Variants in LRRC72 observed in about 807,000 individuals in gnomAD.
LRRC72 encodes leucine-rich repeat-containing protein 72.
A neutral mutation model predicts 35.8 loss-of-function variants in LRRC72; 41 were observed. The observed-to-expected ratio is 1.15, with a 90% CI of 0.89 to 1.49. The LOEUF (loss-of-function observed/expected upper bound fraction) is 1.49, where lower values mean the gene tolerates loss of function less well. Ranked by LOEUF, LRRC72 falls within the 40% of genes most tolerant of loss-of-function variation. The probability of loss-of-function intolerance (pLI) is 0.00; values close to 1 mark genes in which losing one functional copy is unlikely to be tolerated. For missense variants in LRRC72, 389 were observed against 330.7 expected (o/e 1.18, Z -1.37); for synonymous variants, 118 against 119.2 (o/e 0.99, Z 0.07).
chr7:16,546,441 G>A (rs1315860397), intron 3 of LRRC72, among the ~76,000 whole-genome samples: 1 of 151,916 alleles, frequency 6.6e-6, no homozygotes, highest in Non-Finnish European at 1.5e-5. Flanking sequence ...CCCAGGAGTG[G>A]CAAACAAAAA....
At chr7:16,563,543 T>C (rs1294942403) in intron 5 of LRRC72, among the ~76,000 whole-genome samples, 1 of 152,228 alleles carries the variant, frequency 6.6e-6, no homozygotes, top group African/African-American at 2.4e-5. Flanking sequence ...TCATGGTTTC[T>C]AAAAGAATGT....
intron 3 of LRRC72, among the ~76,000 whole-genome samples, chr7:16,552,723 G>A (rs991195153): frequency 1.3e-5 from 2 of 152,172 alleles, no homozygotes; most frequent in African/African-American, 4.8e-5. Flanking sequence ...CTGTCGAGAA[G>A]AACCCAGAAA....
At chr7:16,546,330 C>T (rs147608726) in intron 3 of LRRC72, among the ~76,000 whole-genome samples, 359 of 151,874 alleles carry the variant, frequency 2.4e-3, no homozygotes, top group Non-Finnish European at 4.2e-3. Context: ...GCTACTATTG[C>T]GTTTTGACCT....
rs1214278360 is a variant in LRRC72 at position 16,538,330 on chromosome 7, A to C, written c.234+634A>C. On this transcript the variant is annotated intron_variant, in intron 3 of 8. Coordinates refer to ENST00000401542, the MANE Select transcript of LRRC72 (RefSeq NM_001195280.2). ...GGAGAAGCAAAGTTCTTTGCTTTGT[A>C]CCCTATAGTACTAACAGATGTTCAA... Among the ~76,000 whole-genome samples, 4 of 152,218 alleles carry C rather than the reference A, an allele frequency of 2.6e-5. No individual in the cohort carries two copies. The East Asian group carries it at 7.7e-4, about 29-fold the overall frequency.
At chr7:16,543,728 C>T (rs891297113) in intron 3 of LRRC72, among the ~76,000 whole-genome samples, 1 of 152,160 alleles carries the variant, frequency 6.6e-6, no homozygotes, top group African/African-American at 2.4e-5. Context: ...GAGAGGCTCT[C>T]TTATTCCTAA....
intron 3 of LRRC72, among the ~76,000 whole-genome samples, chr7:16,542,312 G>C (rs1239917912): frequency 6.6e-6 from 1 of 152,126 alleles, no homozygotes; most frequent in African/African-American, 2.4e-5. Flanking sequence ...GGGCAGGAAA[G>C]GAATACAACA....
At chr7:16,573,334 C>G (rs1265185117) in intron 7 of LRRC72, among the ~76,000 whole-genome samples, 1 of 152,198 alleles carries the variant, frequency 6.6e-6, no homozygotes, top group Non-Finnish European at 1.5e-5. Flanking sequence ...AAAAAAGAGC[C>G]TGTATAGCCA....
At position 16,580,074 on chromosome 7, in the gene LRRC72, AT is replaced by A; in HGVS notation, c.675del (p.Phe225LeufsTer7). 9.3e-6 allele frequency: 4 copies of A among 428,118 alleles called. No individual in the cohort carries two copies. The highest frequency in any genetic ancestry group is 1.7e-5 in the Non-Finnish European group (4 of 242,008). The allele number at this position is 428,118 out of a possible 1,614,324, so 26.5% of individuals were successfully genotyped here. The part of the protein sequence containing the change: ...KQKPAQRVPS[D>X]FAFANNVDKT... ...ACTTTAAAATGTATTTTTTTTTTAGATTTTGCATTTGCAAATAATGTAGACA... is the reference window on the plus strand; with the variant it reads ...ACTTTAAAATGTATTTTTTTTTTAGATTTGCATTTGCAAATAATGTAGACA... On this transcript the variant is annotated frameshift_variant and splice_region_variant, in exon 8 of 9. Transcript: ENST00000401542. LOFTEE classifies it high-confidence loss of function.
chr7:16,532,469 TTGACAG>T lies in LRRC72; in HGVS notation c.91-25_91-20del. The stretch of plus-strand genomic sequence containing the variant: ...GCACTTTTGTTCATTGGAATGTAGT[TTGACAG>T]ATTAATTATATGTTATCAGGCAGTT... On this transcript the variant is annotated intron_variant, in intron 1 of 8. Coordinates refer to ENST00000401542, the MANE Select transcript of LRRC72 (RefSeq NM_001195280.2). The T allele has an allele frequency of 6.6e-7, 1 of 1,524,022 alleles. No individual in the cohort carries two copies. Among genetic ancestry groups the T allele is most frequent in the Non-Finnish European group, 8.9e-7 (1 of 1,122,850 alleles). 94.4% of individuals were successfully genotyped at this position (1,524,022 alleles called of 1,614,324 possible). A position where few individuals can be genotyped will look rare whatever the true frequency, so the allele number is the denominator to read the frequency against.
intron 1 of LRRC72, among the ~76,000 whole-genome samples, chr7:16,531,057 C>T (rs930569851): frequency 4.0e-5 from 6 of 151,828 alleles, no homozygotes; most frequent in African/African-American, 1.2e-4. Flanking sequence ...GGTGTGGCAG[C>T]GTGCACCTGT....
chr7:16,532,483 A>T lies in LRRC72; in HGVS notation c.91-12A>T, dbSNP rs1213334129. The T allele has an allele frequency of 6.5e-7, 1 of 1,543,564 alleles. No homozygotes were observed. ...TGGAATGTAGTTTGACAGATTAATT[A>T]TATGTTATCAGGCAGTTGAAGATCA... On this transcript the variant is annotated splice_polypyrimidine_tract_variant and intron_variant, in intron 1 of 8. Coordinates refer to ENST00000401542, the MANE Select transcript of LRRC72 (RefSeq NM_001195280.2).
chr7:16,559,025 C>T (rs759099261), intron 5 of LRRC72, 26 bp downstream of exon 5: 9 of 1,310,626 alleles, frequency 6.9e-6, no homozygotes, highest in Non-Finnish European at 8.5e-6. Flanking sequence ...TTTATATGGC[C>T]ATAAGTTAAA....
intron 1 of LRRC72, 144 bp from the exon 2 acceptor site, chr7:16,532,351 C>G (rs1404172): frequency 0.46 from 276,866 of 602,728 alleles, 64,751 homozygotes; most frequent in East Asian, 0.61. Context: ...TAATTGTAGC[C>G]TTGGAATTTA....
At chr7:16,556,922 A>G (rs1782658715) in intron 3 of LRRC72, among the ~76,000 whole-genome samples, 1 of 152,214 alleles carries the variant, frequency 6.6e-6, no homozygotes, top group African/African-American at 2.4e-5. Context: ...AAGGGAAATC[A>G]TGACTCCTAC....
At chr7:16,572,091 T>C (rs1185050824) in intron 7 of LRRC72, among the ~76,000 whole-genome samples, 2 of 152,074 alleles carry the variant, frequency 1.3e-5, no homozygotes, top group Non-Finnish European at 2.9e-5. Flanking sequence ...AAGTTCAGAC[T>C]TCAGGACTAA....
rs1413956765 is a variant in LRRC72, at chr7:16,567,522, C to T, written c.649C>T (p.Pro217Ser). The T allele has an allele frequency of 1.4e-6, 2 of 1,468,062 alleles. No individual in the cohort carries two copies. Among genetic ancestry groups the T allele is most frequent in the Non-Finnish European group, 1.8e-6 (2 of 1,107,948 alleles). 90.9% of individuals were successfully genotyped at this position (1,468,062 alleles called of 1,614,324 possible). A position where few individuals can be genotyped will look rare whatever the true frequency, so the allele number is the denominator to read the frequency against. Residue 217 changes from proline to serine, a missense_variant, in exon 7 of 9, where the codon CCA becomes TCA. Transcript: ENST00000401542. ...TCCTAAATCACCATTTAAGCAAAAACCAGCCCAGAGAGTACCTTCAGGTAT... is the reference window on the plus strand; with the variant it reads ...TCCTAAATCACCATTTAAGCAAAAATCAGCCCAGAGAGTACCTTCAGGTAT... ...WDPKSPFKQK[P>S]AQRVPSDFAF... is the part of the protein sequence containing the mutation.
chr7:16,546,709 A>C (rs1185993533), intron 3 of LRRC72, among the ~76,000 whole-genome samples: 2 of 152,068 alleles, frequency 1.3e-5, no homozygotes, highest in Non-Finnish European at 2.9e-5. Flanking sequence ...ATTCTGGTTT[A>C]GCCACCCCAG....
At chr7:16,542,341 C>T (rs1223074301) in intron 3 of LRRC72, among the ~76,000 whole-genome samples, 1 of 152,120 alleles carries the variant, frequency 6.6e-6, no homozygotes, top group African/African-American at 2.4e-5. Flanking sequence ...AATTTTTTCT[C>T]GTGCTTGATT....
At chr7:16,561,948 A>T (rs1177552563) in intron 5 of LRRC72, among the ~76,000 whole-genome samples, 2 of 152,204 alleles carry the variant, frequency 1.3e-5, no homozygotes, top group Admixed American at 6.5e-5. Context: ...ATCCATATAA[A>T]ATTATAAAGT....
Sources: allele counts gnomAD v4.1 joint callset (sites outside exome capture counted in the v4.1 genomes callset), GRCh38; gene constraint gnomAD v4.1.1; transcripts MANE v1.5; gene names NCBI Gene and HGNC (gene_info 2026-07-23, HGNC 2026-07-21).